The following MYT1L variants were observed in gnomAD, a reference collection of about 807,000 sequenced individuals.
The protein encoded by MYT1L is myelin transcription factor 1-like protein.
MYT1L carries 12 observed loss-of-function variants against 126.7 expected under a neutral mutation model. The ratio of observed to expected loss-of-function variants is 0.09; its 90% confidence interval spans 0.06 to 0.15. The LOEUF is 0.15. MYT1L is among the 10% of genes least tolerant of loss of function. The pLI is 1.00. For missense variants in MYT1L, 979 were observed against 1,585.2 expected (o/e 0.62, Z 6.49); for synonymous variants, 541 against 604.2 (o/e 0.90, Z 1.53).
rs367746901 is a variant in MYT1L, at chr2:2,039,348, C to T, written c.-158+14630G>A. ...GGCCCAGAAATTTGAGGCTACAGTG[C>T]GCTATGATTGCACCACTGCACTCCA... is the stretch of plus-strand genomic sequence containing the variant. On this transcript the variant is annotated intron_variant, in intron 4 of 24. Coordinates refer to ENST00000647738, the MANE Select transcript of MYT1L (RefSeq NM_001303052.2). Among the ~76,000 whole-genome samples, 14 of 151,682 alleles carry T rather than the reference C, an allele frequency of 9.2e-5. No homozygotes were observed. In the East Asian group the frequency reaches 2.1e-3, roughly 23 times the overall value.
rs746342119 is a variant in MYT1L, at chr2:1,979,791, A to G, written c.1-14T>C. The G allele has an allele frequency of 8.1e-6, 13 of 1,613,838 alleles. No homozygotes were observed. The highest frequency in any genetic ancestry group is 1.1e-5 in the Non-Finnish European group (13 of 1,179,870). On this transcript the variant is annotated splice_polypyrimidine_tract_variant and intron_variant, in intron 5 of 24. Coordinates refer to ENST00000647738, the MANE Select transcript of MYT1L (RefSeq NM_001303052.2). This position sits in a 1 kb window ranked among gnomAD's most constrained non-coding sequence, Gnocchi z 4.0. ...GTCCACCTCCATCTGGGGATAGATT[A>G]GCAGCCATCAATGTGCTTATCCTGC...
chr2:1,841,020 C>T, intron 19 of MYT1L, 177 bp from the exon 20 acceptor site: 1 of 545,424 alleles, frequency 1.8e-6, no homozygotes, highest in Non-Finnish European at 3.2e-6. Flanking sequence ...TCTCCTGCCT[C>T]AGCCTCCCAA....
At chr2:2,150,915 C>G (rs372238615) in intron 3 of MYT1L, among the ~76,000 whole-genome samples, 10 of 133,866 alleles carry the variant, frequency 7.5e-5, no homozygotes, top group African/African-American at 1.1e-4. Flanking sequence ...GGGAGGGAGA[C>G]GGAGGGAGGG....
At chr2:2,165,918 T>TC in intron 3 of MYT1L, among the ~76,000 whole-genome samples, 1 of 151,600 alleles carries the variant, frequency 6.6e-6, no homozygotes, top group African/African-American at 2.4e-5. Flanking sequence ...AATAAAATCT[T>TC]TTATTTTTCT....
intron 4 of MYT1L, among the ~76,000 whole-genome samples, chr2:2,032,932 C>A (rs189454139): frequency 1.0e-3 from 149 of 147,692 alleles, no homozygotes; most frequent in Admixed American, 2.8e-3. Context: ...ATACACACCC[C>A]TCGCCAGTGC....
chr2:2,214,479 G>GA (rs938406497), intron 2 of MYT1L, among the ~76,000 whole-genome samples: 1 of 151,780 alleles, frequency 6.6e-6, no homozygotes, highest in Admixed American at 6.6e-5. Context: ...AGATAATAGG[G>GA]AAAAAAAGGT....
chr2:2,222,965 C>T (rs774498709), intron 2 of MYT1L, among the ~76,000 whole-genome samples: 9 of 152,122 alleles, frequency 5.9e-5, no homozygotes, highest in Non-Finnish European at 8.8e-5. Context: ...CTCCAAGAAT[C>T]GACATTCTTA....
At position 1,924,369 on chromosome 2, in the gene MYT1L, T is replaced by C. The variant is rs1038727956; in HGVS notation, c.506-1106A>G. 2.0e-4 allele frequency among the ~76,000 whole-genome samples: 30 copies of C among 152,198 alleles called. 1 individual carries two copies. The highest frequency in any genetic ancestry group is 6.8e-4 in the African/African-American group (28 of 41,450). ...ATGTATCTGTACCCTTAGATTAGAT[T>C]TGGTTAACTGCATGCCATTTTCACA... is the stretch of plus-strand genomic sequence containing the variant. On this transcript the variant is annotated intron_variant, in intron 9 of 24. Transcript: ENST00000647738.
intron 21 of MYT1L, among the ~76,000 whole-genome samples, chr2:1,821,797 G>A (rs377503116): frequency 3.8e-4 from 58 of 152,238 alleles, no homozygotes; most frequent in African/African-American, 1.2e-3. Flanking sequence ...CTGGATTCCC[G>A]GAGCCACACG....
chr2:2,235,340 G>A (rs533667575), intron 2 of MYT1L, among the ~76,000 whole-genome samples: 6 of 148,294 alleles, frequency 4.0e-5, no homozygotes, highest in South Asian at 4.4e-4. Flanking sequence ...GCTGGTTAGC[G>A]TGTTCCTCAG....
intron 14 of MYT1L, among the ~76,000 whole-genome samples, chr2:1,896,997 G>A (rs946033201): frequency 6.6e-6 from 1 of 152,122 alleles, no homozygotes; most frequent in Non-Finnish European, 1.5e-5. Context: ...ACTAGATGAC[G>A]CCAAGTGGAT....
intron 1 of MYT1L, among the ~76,000 whole-genome samples, chr2:2,319,758 CAT>C (rs60572138): frequency 0.23 from 33,656 of 146,474 alleles, 4,034 homozygotes; most frequent in South Asian, 0.39. Context: ...CAGAAATATG[CAT>C]ATATATATAT....
At chr2:2,033,771 A>G (rs1404834939) in intron 4 of MYT1L, among the ~76,000 whole-genome samples, 4 of 152,128 alleles carry the variant, frequency 2.6e-5, no homozygotes, top group Non-Finnish European at 5.9e-5. Context: ...GACATGTTTG[A>G]AGGACATGGT....
chr2:1,928,446 C>A (rs1019506041), intron 9 of MYT1L, among the ~76,000 whole-genome samples: 5 of 152,132 alleles, frequency 3.3e-5, no homozygotes, highest in African/African-American at 1.2e-4. Context: ...AGAGCTGGAG[C>A]CACCTGGAGT....
At chr2:1,890,952 T>A (rs985146611) in intron 15 of MYT1L, among the ~76,000 whole-genome samples, 1 of 140,588 alleles carries the variant, frequency 7.1e-6, no homozygotes, top group Non-Finnish European at 1.6e-5. Context: ...TCTCTCAGTC[T>A]TAGTTTAATT....
At chr2:2,126,039 T>C (rs72767392) in intron 3 of MYT1L, among the ~76,000 whole-genome samples, 2 of 152,204 alleles carry the variant, frequency 1.3e-5, no homozygotes, top group Admixed American at 6.5e-5. Flanking sequence ...TCGTGGGCCA[T>C]GGCTAACCCA....
Position 2,217,706 on chromosome 2 carries a change from C to CA in MYT1L, c.-420-44719dup, listed in dbSNP as rs35934436. On this transcript the variant is annotated intron_variant, in intron 2 of 24. Coordinates refer to ENST00000647738, the MANE Select transcript of MYT1L (RefSeq NM_001303052.2). ...ACAACAACAACAACAACAACAACAACAAAAAAAAAAAAAGAAAGAAGGAAA... is the reference window on the plus strand; with the variant it reads ...ACAACAACAACAACAACAACAACAACAAAAAAAAAAAAAAGAAAGAAGGAAA... Among the ~76,000 whole-genome samples, 617 of 91,166 alleles carry CA rather than the reference C, an allele frequency of 6.8e-3. 32 individuals are homozygous for CA. Among genetic ancestry groups the CA allele is most frequent in the African/African-American group, 0.014 (299 of 21,792 alleles). The allele number at this position is 91,166 out of a possible 152,430, so 59.8% of individuals were successfully genotyped here.
intron 2 of MYT1L, among the ~76,000 whole-genome samples, chr2:2,175,148 G>C (rs759072833): frequency 1.3e-5 from 2 of 152,020 alleles, no homozygotes; most frequent in East Asian, 1.9e-4. Flanking sequence ...GGCCTCCACC[G>C]TGGGGCACTG....
At chr2:1,993,150 C>G (rs756382503) in intron 5 of MYT1L, among the ~76,000 whole-genome samples, 1 of 152,206 alleles carries the variant, frequency 6.6e-6, no homozygotes, top group South Asian at 2.1e-4. Context: ...TCCAGCCTCC[C>G]ACACAGATGC....
Sources: gnomAD v4.1 joint callset for allele counts (sites outside exome capture counted in the v4.1 genomes callset) on GRCh38, gnomAD v4.1.1 for gene constraint, Gnocchi (gnomAD v3.1) non-coding constraint, MANE v1.5 for transcripts, NCBI Gene and HGNC (gene_info 2026-07-23, HGNC 2026-07-21) for gene names.